Variants in NOX4 observed in about 807,000 individuals in gnomAD.
NOX4 encodes kidney oxidase-1.
Under a neutral mutation model 87.6 loss-of-function variants are expected in NOX4, and 69 were observed. That is an observed-to-expected ratio of 0.79 (90% CI 0.65 to 0.96). The LOEUF is 0.96. Ranked by LOEUF, NOX4 falls within the 40% of genes least tolerant of loss-of-function variation. The pLI is 0.00. For synonymous variants in NOX4, 275 were observed against 238.2 expected, an observed-to-expected ratio of 1.15 and a Z score of -1.42; for missense variants, 680 against 681.5, an observed-to-expected ratio of 1.00 and a Z score of 0.02.
chr11:89,428,307 C>A (rs960679364), intron 7 of NOX4, among the ~76,000 whole-genome samples: 21 of 152,166 alleles, frequency 1.4e-4, no homozygotes, highest in African/African-American at 2.2e-4. Context: ...GAAACTGCAT[C>A]AACTAATGAG....
At chr11:89,537,014 G>C in the NOX4 span, among the ~76,000 whole-genome samples, 2 of 152,150 alleles carry the variant, frequency 1.3e-5, no homozygotes, top group African/African-American at 4.8e-5. Context: ...ATGGGATTAT[G>C]CCCACTTCTG....
intron 11 of NOX4, among the ~76,000 whole-genome samples, chr11:89,385,309 C>T (rs1206917033): frequency 6.6e-6 from 1 of 152,146 alleles, no homozygotes; most frequent in African/African-American, 2.4e-5. Context: ...CTGCAAGGGT[C>T]ATCAAAAGGC....
At chr11:89,348,724 G>C (rs1350070247) in intron 13 of NOX4, among the ~76,000 whole-genome samples, 2 of 151,932 alleles carry the variant, frequency 1.3e-5, no homozygotes, top group Non-Finnish European at 2.9e-5. Flanking sequence ...CACATACACA[G>C]TTTTCAGCCA....
intron 6 of NOX4, among the ~76,000 whole-genome samples, chr11:89,439,135 CTA>C (rs1330785584): frequency 6.8e-6 from 1 of 147,016 alleles, no homozygotes; most frequent in African/African-American, 2.5e-5. Flanking sequence ...TCTTTGTAAA[CTA>C]AACTTTTCAA....
the NOX4 span, among the ~76,000 whole-genome samples, chr11:89,563,784 G>T: frequency 6.6e-6 from 1 of 151,848 alleles, no homozygotes; most frequent in East Asian, 1.9e-4. Flanking sequence ...TATATTATTT[G>T]TCTTTCTTAA....
intron 2 of NOX4, among the ~76,000 whole-genome samples, chr11:89,474,601 T>C (rs1946089336): frequency 6.6e-6 from 1 of 151,578 alleles, no homozygotes; most frequent in African/African-American, 2.4e-5. Flanking sequence ...AGAAATGAAA[T>C]AGTAATATCC....
intron 2 of NOX4, among the ~76,000 whole-genome samples, chr11:89,479,727 G>C (rs1366494117): frequency 6.6e-6 from 1 of 152,164 alleles, no homozygotes; most frequent in Admixed American, 6.5e-5. Context: ...ATTGAGCAAA[G>C]TCCTTCTTTT....
At chr11:89,396,078 T>G (rs555705071) in intron 11 of NOX4, among the ~76,000 whole-genome samples, 33 of 152,184 alleles carry the variant, frequency 2.2e-4, no homozygotes, top group Non-Finnish European at 4.6e-4. Flanking sequence ...GCATTGAATC[T>G]ATAAATTACC....
intron 6 of NOX4, among the ~76,000 whole-genome samples, chr11:89,434,049 C>A (rs543982003): frequency 1.1e-4 from 17 of 152,142 alleles, no homozygotes; most frequent in Admixed American, 2.6e-4. Context: ...TGGGACAATT[C>A]CATCTGGAAA....
rs1379817172 is a variant in NOX4 at position 89,367,140 on chromosome 11, G to A, written c.1135+6292C>T. On this transcript the variant is annotated intron_variant, in intron 12 of 17. Transcript: ENST00000263317. The stretch of plus-strand genomic sequence containing the variant: ...CATTATCCTAAATGATTTCCACATA[G>A]ACTCACAAGAGGCCAGAACTACAGT... 2.0e-5 allele frequency among the ~76,000 whole-genome samples: 3 copies of A among 152,042 alleles called. No homozygotes were observed. In the East Asian group the frequency reaches 5.8e-4, roughly 29 times the overall value.
chr11:89,514,966 A>T, the NOX4 span, among the ~76,000 whole-genome samples: 8 of 151,996 alleles, frequency 5.3e-5, no homozygotes, highest in Non-Finnish European at 1.0e-4. Flanking sequence ...GCTGAGTATT[A>T]TTCCATGGAA....
In NOX4 at chr11:89,489,111, TATG is replaced by T. The variant is rs1304758333; in HGVS notation, c.153+1344_153+1346del. ...TTTATAAAGTGTGTGATCAACAGAT[TATG>T]ATATTACTTTGTTGTATAAAAAATT... On this transcript the variant is annotated intron_variant, in intron 2 of 17. Coordinates refer to ENST00000263317, the MANE Select transcript of NOX4 (RefSeq NM_016931.5). 9.4e-6 allele frequency: 6 copies of T among 636,418 alleles called. No individual in the cohort carries two copies. In the East Asian group the frequency reaches 1.4e-4, roughly 15 times the overall value. 39.4% of individuals were successfully genotyped at this position (636,418 alleles called of 1,614,324 possible). A position where few individuals can be genotyped will look rare whatever the true frequency, so the allele number is the denominator to read the frequency against.
At chr11:89,358,386 C>CAAAAAAAAAAACA (rs1938242157) in intron 12 of NOX4, among the ~76,000 whole-genome samples, 1 of 78,190 alleles carries the variant, frequency 1.3e-5, no homozygotes, top group African/African-American at 4.5e-5. Flanking sequence ...AACTTAATCT[C>CAAAAAAAAAAACA]AAAAAAAAAA....
the NOX4 span, among the ~76,000 whole-genome samples, chr11:89,507,111 T>G: frequency 6.6e-6 from 1 of 151,960 alleles, no homozygotes; most frequent in Admixed American, 6.6e-5. Context: ...ATTCTATATT[T>G]ATAGAAAGTA....
chr11:89,427,138 C>G (rs1943465554), intron 7 of NOX4, among the ~76,000 whole-genome samples: 1 of 152,156 alleles, frequency 6.6e-6, no homozygotes, highest in African/African-American at 2.4e-5. Context: ...CCAGCAAACT[C>G]CAACAGACCT....
the NOX4 span, among the ~76,000 whole-genome samples, chr11:89,532,834 T>G: frequency 2.0e-5 from 3 of 152,142 alleles, no homozygotes; most frequent in African/African-American, 7.2e-5. Context: ...GTTCTCATGA[T>G]ACTGAGTTCT....
At chr11:89,512,457 C>A in the NOX4 span, among the ~76,000 whole-genome samples, 3 of 152,002 alleles carry the variant, frequency 2.0e-5, no homozygotes, top group South Asian at 6.2e-4. Context: ...CTGATAATTA[C>A]CATTCTATTC....
intron 13 of NOX4, among the ~76,000 whole-genome samples, chr11:89,351,936 AC>A (rs1340776613): frequency 3.3e-5 from 5 of 152,174 alleles, no homozygotes; most frequent in Non-Finnish European, 7.4e-5. Context: ...ACAAAAAAGA[AC>A]AAAATAATGA....
chr11:89,367,124 A>G (rs997304792), intron 12 of NOX4, among the ~76,000 whole-genome samples: 3 of 152,154 alleles, frequency 2.0e-5, no homozygotes, highest in Non-Finnish European at 4.4e-5. Context: ...TCATTATCCT[A>G]AATGATTTCC....
Sources: allele counts gnomAD v4.1 joint callset (sites outside exome capture counted in the v4.1 genomes callset), GRCh38; gene constraint gnomAD v4.1.1; transcripts MANE v1.5; gene names NCBI Gene and HGNC (gene_info 2026-07-23, HGNC 2026-07-21).